The following ZP2 variants were observed in gnomAD, a reference collection of about 807,000 sequenced individuals.
ZP2 encodes the protein zona pellucida sperm-binding protein 2.
ZP2 carries 51 observed loss-of-function variants against 84.0 expected under a neutral mutation model. The observed-to-expected ratio is 0.61, with a 90% CI of 0.49 to 0.77. The LOEUF (loss-of-function observed/expected upper bound fraction) is 0.77. ZP2 is among the 30% of genes least tolerant of loss of function. The probability of loss-of-function intolerance (pLI) is 0.00; values close to 1 mark genes in which losing one functional copy is unlikely to be tolerated. For synonymous variants in ZP2, 375 were observed against 330.9 expected (o/e 1.13, Z -1.45); for missense variants, 909 against 911.9 (o/e 1.00, Z 0.04).
intron 5 of ZP2, 184 bp from the exon 6 acceptor site, chr16:21,205,959 G>A (rs1256503251): frequency 1.6e-6 from 1 of 625,660 alleles, no homozygotes; most frequent in East Asian, 2.8e-5. Flanking sequence ...GATCCCAAGA[G>A]GCAGCTGGAA....
chr16:21,205,815 G>A, intron 5 of ZP2, 40 bp from the exon 6 acceptor site: 2 of 1,607,214 alleles, frequency 1.2e-6, no homozygotes, highest in Non-Finnish European at 8.5e-7. Context: ...TTGATTTGGA[G>A]GTAGATGTTT....
intron 5 of ZP2, 82 bp downstream of exon 5, chr16:21,206,756 C>A (rs1426202808): frequency 2.6e-6 from 4 of 1,558,676 alleles, no homozygotes; most frequent in Non-Finnish European, 3.5e-6. Flanking sequence ...GGTCTGATTT[C>A]TAAGCCCCGC....
At position 21,199,632 on chromosome 16, in the gene ZP2, C is replaced by G; in HGVS notation, c.1865G>C (p.Arg622Pro). ...YFHCSALICN[R>P]LSPDSPLCSV... ...ACACAGTGGGGAGTCAGGGGAGAGT[C>G]GATTACAGATTAAGGCACTGCAGTG... The change falls in exon 16 of 19, where the codon CGA (arginine) becomes CCA (proline). Residue 622 changes from arginine to proline, a missense_variant. Physicochemically the swap from Arg to Pro is moderately radical, Grantham distance 103. Transcript: ENST00000574091. The G allele has an allele frequency of 3.1e-6, 5 of 1,613,676 alleles. No homozygotes were observed. The highest frequency in any genetic ancestry group is 4.2e-6 in the Non-Finnish European group (5 of 1,179,880).
intron 4 of ZP2, 102 bp downstream of exon 4, chr16:21,209,529 C>T: frequency 1.0e-6 from 1 of 994,618 alleles, no homozygotes; most frequent in South Asian, 1.5e-5. Context: ...TGGTTGAGAG[C>T]CACTGCTTTA....
At chr16:21,200,350 A>T (rs2093219489) in intron 14 of ZP2, among the ~76,000 whole-genome samples, 1 of 152,198 alleles carries the variant, frequency 6.6e-6, no homozygotes. Context: ...AGGCAGGTGA[A>T]TCGCTTGAAT....
upstream of ZP2, chr16:21,214,461 T>A (rs1427207903): frequency 6.8e-6 from 1 of 146,630 alleles, no homozygotes; most frequent in African/African-American, 3.0e-5. Flanking sequence ...CACTTATAAG[T>A]GGGAGCTGAA....
upstream of ZP2, among the ~76,000 whole-genome samples, chr16:21,211,988 T>C (rs1456037303): frequency 6.6e-6 from 1 of 151,370 alleles, no homozygotes; most frequent in Non-Finnish European, 1.5e-5. Context: ...AGTGCACTGG[T>C]GCAATCTCGG....
At chr16:21,211,589 GCT>G (rs778330198), upstream of ZP2, 19 of 1,613,480 alleles carry the variant, frequency 1.2e-5, no homozygotes, top group Non-Finnish European at 1.6e-5. Context: ...AGGGTAGGCT[GCT>G]CTGTGTTTTT....
In ZP2 at chr16:21,211,367, C is replaced by G. The variant is rs535118506; in HGVS notation, c.91G>C (p.Ala31Pro). Residue 31 changes from alanine (A) to proline (P), a missense_variant, in exon 2 of 19, where the codon GCC becomes CCC. Physicochemically the swap from Ala to Pro is conservative, Grantham distance 27 (BLOSUM62 -1). Coordinates refer to ENST00000574091, the MANE Select transcript of ZP2 (RefSeq NM_001376232.1). Reference protein sequence around the residue: ...STYRSISLFFALVTSGNSIDV... With the variant: ...STYRSISLFFPLVTSGNSIDV... ...ATGGAGTTCCCTGAAGTCACAAGGG[C>G]GAAGAAGAGAGAAATCGACCTGTAG... The G allele has an allele frequency of 6.2e-7, 1 of 1,613,980 alleles. No homozygotes were observed. Among genetic ancestry groups the G allele is most frequent in the Non-Finnish European group, 8.5e-7 (1 of 1,179,990 alleles).
In ZP2 at chr16:21,204,167, C is replaced by G; in HGVS notation, c.835G>C (p.Glu279Gln). ...ACAGACTTAAGCTTCCCAGGAAACT[C>G]TGGTATGGTGAGAGTCATGTGTGTG... The part of the protein sequence containing the change: ...NATHMTLTIP[E>Q]FPGKLKSVSF... The change falls in exon 9 of 19, where the codon GAG (glutamate) becomes CAG (glutamine). Residue 279 changes from glutamate (E) to glutamine (Q), a missense_variant. Physicochemically the swap from Glu to Gln is conservative, Grantham distance 29. Coordinates refer to ENST00000574091, the MANE Select transcript of ZP2 (RefSeq NM_001376232.1). The G allele has an allele frequency of 6.2e-7, 1 of 1,614,166 alleles. No individual in the cohort carries two copies. Among genetic ancestry groups the G allele is most frequent in the Non-Finnish European group, 8.5e-7 (1 of 1,180,024 alleles).
rs1346791744 is a variant in ZP2 at position 21,200,545 on chromosome 16, T to C, written c.1695-667A>G. ...TTCCATAAGAATGGGTGAGATCCAG[T>C]TGTAGGACAGGACACGGCAGGAGAG... On this transcript the variant is annotated intron_variant, in intron 14 of 18. Transcript: ENST00000574091. 2.6e-5 allele frequency among the ~76,000 whole-genome samples: 4 copies of C among 152,316 alleles called. No homozygotes were observed. In the East Asian group the frequency reaches 7.7e-4, roughly 29 times the overall value.
intron 8 of ZP2, 25 bp from the exon 9 acceptor site, chr16:21,204,236 C>A: frequency 6.2e-7 from 1 of 1,613,944 alleles, no homozygotes; most frequent in Middle Eastern, 1.6e-4. Context: ...AACAGAATGC[C>A]CATTACCAGC....
intron 5 of ZP2, 106 bp downstream of exon 5, chr16:21,206,732 C>T (rs1392769507): frequency 2.1e-6 from 3 of 1,432,528 alleles, no homozygotes; most frequent in South Asian, 1.3e-5. Flanking sequence ...TTAGCAAGTA[C>T]AGGATTAAAT....
Position 21,207,131 on chromosome 16 carries a change from A to G in ZP2, c.331-141T>C, listed in dbSNP as rs1259900538. On this transcript the variant is annotated intron_variant, in intron 4 of 18. Coordinates refer to ENST00000574091, the MANE Select transcript of ZP2 (RefSeq NM_001376232.1). ...CTGGAAGGTACCTCATTCCCGTACC[A>G]GGAGACTAGCTAGCCCATTGTAATC... is the stretch of plus-strand genomic sequence containing the variant. 4 of 943,826 alleles carry G rather than the reference A, an allele frequency of 4.2e-6. No individual in the cohort carries two copies. The African/African-American group carries it at 6.5e-5, about 15-fold the overall frequency. The allele number at this position is 943,826 out of a possible 1,614,324, so 58.5% of individuals were successfully genotyped here. A position where few individuals can be genotyped will look rare whatever the true frequency, so the allele number is the denominator to read the frequency against.
chr16:21,201,136 C>T (rs1057427077), intron 14 of ZP2, among the ~76,000 whole-genome samples: 5 of 151,268 alleles, frequency 3.3e-5, no homozygotes, highest in African/African-American at 1.2e-4. Context: ...GAGGCAGGGG[C>T]TACAGTGAGC....
chr16:21,211,888 G>A, upstream of ZP2: 1 of 877,568 alleles, frequency 1.1e-6, no homozygotes, highest in Admixed American at 3.4e-5. Context: ...GAGAATCATG[G>A]GCTTTATTGA....
chr16:21,198,732 AG>A, intron 17 of ZP2, 46 bp downstream of exon 17: 1 of 1,551,790 alleles, frequency 6.4e-7, no homozygotes, highest in Non-Finnish European at 8.9e-7. Context: ...TGGCATAAAA[AG>A]CTAAGAACTT....
chr16:21,204,504 T>TAC (rs2093240899), intron 7 of ZP2, 100 bp from the exon 8 acceptor site: 1 of 876,810 alleles, frequency 1.1e-6, no homozygotes, highest in Non-Finnish European at 1.8e-6. Context: ...TAATGGGCAC[T>TAC]ACTTTGACAC....
At chr16:21,211,629 C>T (rs751532521), upstream of ZP2, 6 of 1,609,054 alleles carry the variant, frequency 3.7e-6, no homozygotes, top group Admixed American at 1.0e-4. Context: ...GCATCCACAC[C>T]CTCTCCCCAT....
Sources: allele counts gnomAD v4.1 joint callset (sites outside exome capture counted in the v4.1 genomes callset), GRCh38; gene constraint gnomAD v4.1.1; transcripts MANE v1.5; gene names NCBI Gene and HGNC (gene_info 2026-07-23, HGNC 2026-07-21).